The following PDIA5 variants were observed in gnomAD, a reference collection of about 807,000 sequenced individuals.
PDIA5 encodes the protein protein disulfide-isomerase A5.
A neutral mutation model predicts 77.6 loss-of-function variants in PDIA5; 58 were observed. That is an observed-to-expected ratio of 0.75 (90% CI 0.61 to 0.93). The LOEUF is 0.93. PDIA5 is among the 40% of genes least tolerant of loss of function. The pLI, the probability that PDIA5 is intolerant of heterozygous loss-of-function variation, is 0.00. For synonymous variants in PDIA5, 250 were observed against 252.1 expected, an observed-to-expected ratio of 0.99 and a Z score of 0.08; for missense variants, 630 against 647.7, an observed-to-expected ratio of 0.97 and a Z score of 0.30.
At chr3:123,124,433 T>G in intron 10 of PDIA5, 90 bp downstream of exon 10, 3 of 915,596 alleles carry the variant, frequency 3.3e-6, no homozygotes, top group Non-Finnish European at 5.5e-6. Flanking sequence ...GGCTGGAGGT[T>G]GGGGGAAAGA....
At chr3:123,152,688 C>G (rs1265174145) in intron 14 of PDIA5, among the ~76,000 whole-genome samples, 1 of 152,110 alleles carries the variant, frequency 6.6e-6, no homozygotes, top group African/African-American at 2.4e-5. Flanking sequence ...AGCTGCCTCA[C>G]CCCAACATCT....
intron 15 of PDIA5, among the ~76,000 whole-genome samples, chr3:123,160,449 G>A (rs1276425705): frequency 1.3e-5 from 1 of 78,940 alleles, no homozygotes; most frequent in Non-Finnish European, 2.7e-5. Flanking sequence ...TTACTCATGC[G>A]GGGCTCCTCC....
Position 123,122,282 on chromosome 3 carries a change from A to C in PDIA5, c.610-1784A>C, listed in dbSNP as rs191333631. On this transcript the variant is annotated intron_variant, in intron 8 of 16. Coordinates refer to ENST00000316218, the MANE Select transcript of PDIA5 (RefSeq NM_006810.4). ...CACTGGGGAGATCAATTAGGCAGAA[A>C]AAAAAAGGACTTTTAAAGAAGACAA... is the stretch of plus-strand genomic sequence containing the variant. Among the ~76,000 whole-genome samples the C allele has an allele frequency of 9.7e-4, 148 of 152,314 alleles. 1 individual carries two copies. Among genetic ancestry groups the C allele is most frequent in the Admixed American group, 2.4e-3 (36 of 15,304 alleles).
In PDIA5 at chr3:123,151,778, GCCTGGCCTGCCTT is replaced by G. The variant is rs1935903721; in HGVS notation, c.1273+1419_1273+1431del. 5.7e-5 allele frequency among the ~76,000 whole-genome samples: 5 copies of G among 87,458 alleles called. No homozygotes were observed. In the South Asian group the frequency reaches 1.5e-3, roughly 27 times the overall value. 57.4% of individuals were successfully genotyped at this position (87,458 alleles called of 152,430 possible). A position where few individuals can be genotyped will look rare whatever the true frequency, so the allele number is the denominator to read the frequency against. Reference sequence around the variant, plus strand: ...TGCCTGCCTGCCTGCCTGCCTGCCTGCCTGGCCTGCCTTCCTGCCTGCCTGCCTTCCTGCCTGC... The same window carrying G: ...TGCCTGCCTGCCTGCCTGCCTGCCTGCCTGCCTGCCTGCCTTCCTGCCTGC... On this transcript the variant is annotated intron_variant, in intron 14 of 16. Transcript: ENST00000316218.
At chr3:123,106,879 G>A in intron 6 of PDIA5, 38 bp downstream of exon 6, 1 of 1,419,530 alleles carries the variant, frequency 7.0e-7, no homozygotes, top group Non-Finnish European at 9.9e-7. Context: ...GATGCTGGAA[G>A]CTTCCCTGGT....
intron 15 of PDIA5, 140 bp from the exon 16 acceptor site, chr3:123,161,181 T>C: frequency 1.2e-6 from 1 of 832,660 alleles, no homozygotes; most frequent in Admixed American, 2.4e-5. Context: ...CTGGGGGTGC[T>C]TTGGTTCAGT....
At chr3:123,108,444 T>G (rs1934787798) in intron 6 of PDIA5, among the ~76,000 whole-genome samples, 1 of 151,300 alleles carries the variant, frequency 6.6e-6, no homozygotes, top group African/African-American at 2.4e-5. Flanking sequence ...CCATGCCTGG[T>G]TAATTTTTGT....
rs529905929 is a variant in PDIA5 at position 123,150,257 on chromosome 3, A to T, written c.1166A>T (p.Glu389Val). The stretch of plus-strand genomic sequence containing the variant: ...AGCCCTGAGGCCCCCCCGCCCCCAG[A>T]GCCCACGTGGGAAGAGCAGCAGACA... Reference protein sequence around the residue: ...MQNPEAPPPPEPTWEEQQTSV... With the variant: ...MQNPEAPPPPVPTWEEQQTSV... The change falls in exon 14 of 17, where the codon GAG (glutamate) becomes GTG (valine). Residue 389 changes from glutamate to valine, a missense_variant. By Grantham distance (121) the Glu-to-Val change is moderately radical. Transcript: ENST00000316218. The T allele has an allele frequency of 6.2e-7, 1 of 1,609,718 alleles. No individual in the cohort carries two copies. Among genetic ancestry groups the T allele is most frequent in the African/African-American group, 1.3e-5 (1 of 74,720 alleles).
intron 10 of PDIA5, among the ~76,000 whole-genome samples, chr3:123,128,510 A>AT (rs1308404557): frequency 3.1e-4 from 47 of 151,342 alleles, no homozygotes; most frequent in Non-Finnish European, 5.6e-4. Context: ...TTTATTTTTT[A>AT]TTTTTTTATT....
rs763541731 is a variant in PDIA5, at chr3:123,145,601, C to G, written c.981+9C>G. ...TCCATGGAGAAGCGGATGTAAGCTTCCTTTCCTTCCCCCTCACCGTTCTCT... is the reference window on the plus strand; with the variant it reads ...TCCATGGAGAAGCGGATGTAAGCTTGCTTTCCTTCCCCCTCACCGTTCTCT... On this transcript the variant is annotated intron_variant, in intron 12 of 16. Transcript: ENST00000316218. 3.3e-5 allele frequency: 52 copies of G among 1,599,876 alleles called. No individual in the cohort carries two copies. The highest frequency in any genetic ancestry group is 4.2e-5 in the Non-Finnish European group (49 of 1,167,156).
rs1204599131 is a variant in PDIA5, at chr3:123,094,051, CAAGTTTGGA to C, written c.257+1612_257+1620del. On this transcript the variant is annotated intron_variant, in intron 3 of 16. Transcript: ENST00000316218. The stretch of plus-strand genomic sequence containing the variant: ...ACTATGGAGATTCAACTTCAGGACT[CAAGTTTGGA>C]AACATGATGTCTAGAGTCAATAAAA... Among the ~76,000 whole-genome samples the C allele has an allele frequency of 2.6e-5, 4 of 152,176 alleles. No individual in the cohort carries two copies. In the East Asian group the frequency reaches 7.7e-4, roughly 29 times the overall value.
At chr3:123,079,699 G>A (rs1187594759) in intron 1 of PDIA5, among the ~76,000 whole-genome samples, 1 of 152,186 alleles carries the variant, frequency 6.6e-6, no homozygotes, top group South Asian at 2.1e-4. Context: ...GAATTACCAA[G>A]TCAAAGAGCA....
At chr3:123,161,142 A>C (rs13089829) in intron 15 of PDIA5, among the ~76,000 whole-genome samples, 179 bp from the exon 16 acceptor site, 3,956 of 152,258 alleles carry the variant, frequency 0.026, 72 homozygotes, top group Non-Finnish European at 0.037. Context: ...ATTGAAAACA[A>C]GCACCATCAG....
Position 123,130,383 on chromosome 3 carries a change from G to A in PDIA5, c.774-97G>A, listed in dbSNP as rs995085062. 22 of 1,359,950 alleles carry A rather than the reference G, an allele frequency of 1.6e-5. 1 individual carries two copies. Among genetic ancestry groups the A allele is most frequent in the South Asian group, 4.2e-5 (3 of 71,226 alleles). The allele number at this position is 1,359,950 out of a possible 1,614,324, so 84.2% of individuals were successfully genotyped here. A position where few individuals can be genotyped will look rare whatever the true frequency, so the allele number is the denominator to read the frequency against. ...CTGAGCCCCTGGAGTGGGCCGTCCC[G>A]AGCCCATGGGGAGCTTTGGGTCCAG... On this transcript the variant is annotated intron_variant, in intron 10 of 16. Transcript: ENST00000316218.
intron 1 of PDIA5, among the ~76,000 whole-genome samples, chr3:123,076,160 C>T (rs1933853041): frequency 6.6e-6 from 1 of 152,128 alleles, no homozygotes; most frequent in Non-Finnish European, 1.5e-5. Context: ...CTGGGTGGAG[C>T]AACGGGGAGT....
At chr3:123,150,695 C>T (rs1935872924) in intron 14 of PDIA5, among the ~76,000 whole-genome samples, 2 of 151,602 alleles carry the variant, frequency 1.3e-5, no homozygotes, top group Non-Finnish European at 2.9e-5. Flanking sequence ...CACCCCTCAG[C>T]TGTCCCCGCC....
intron 15 of PDIA5, among the ~76,000 whole-genome samples, chr3:123,155,955 C>T (rs1936013317): frequency 6.6e-6 from 1 of 151,984 alleles, no homozygotes; most frequent in South Asian, 2.1e-4. Flanking sequence ...GACGGAAGTT[C>T]AGCCGAGGCA....
At chr3:123,159,535 T>C (rs865991528) in intron 15 of PDIA5, among the ~76,000 whole-genome samples, 2 of 152,184 alleles carry the variant, frequency 1.3e-5, no homozygotes, top group South Asian at 4.1e-4. Context: ...TGCCATCAAG[T>C]CTTCTGACTT....
chr3:123,149,861 A>G (rs746608971), intron 13 of PDIA5, among the ~76,000 whole-genome samples: 1 of 152,104 alleles, frequency 6.6e-6, no homozygotes, highest in Non-Finnish European at 1.5e-5. Flanking sequence ...AAGATAATGA[A>G]CGATCATGTA....
Sources: gnomAD v4.1 joint callset for allele counts (sites outside exome capture counted in the v4.1 genomes callset) on GRCh38, gnomAD v4.1.1 for gene constraint, MANE v1.5 for transcripts, NCBI Gene and HGNC (gene_info 2026-07-23, HGNC 2026-07-21) for gene names.